PHC2: variants seen among roughly 807,000 people sequenced by gnomAD.
PHC2 encodes the protein polyhomeotic-like protein 2.
PHC2 carries 29 observed loss-of-function variants against 87.4 expected under a neutral mutation model. That is an observed-to-expected ratio of 0.33 (90% confidence interval 0.25 to 0.45). PHC2 has a LOEUF of 0.45. PHC2 is among the 20% of genes least tolerant of loss of function. The pLI is 1.00. For synonymous variants in PHC2, 438 were observed against 461.7 expected (o/e 0.95, Z 0.66); for missense variants, 857 against 1,136.7 (o/e 0.75, Z 3.54).
chr1:33,325,278 A>C, intron 14 of PHC2: 1 of 411,780 alleles, frequency 2.4e-6, no homozygotes, highest in Non-Finnish European at 4.4e-6. Flanking sequence ...GGGCGGACCC[A>C]TGTCCACTAA....
chr1:33,328,909 T>A lies in PHC2; in HGVS notation c.2386A>T (p.Asn796Tyr). Reference sequence around the variant, plus strand: ...ATGAATTCGTAGACGTCTTCTACATTCCACTTGGTGGGCTCACTTGGCAGG... The same window carrying A: ...ATGAATTCGTAGACGTCTTCTACATACCACTTGGTGGGCTCACTTGGCAGG... ...HFLPSEPTKW[N>Y]VEDVYEFIRS... is the part of the protein sequence containing the mutation. Residue 796 changes from asparagine (N) to tyrosine (Y), a missense_variant, in exon 14 of 15, where the codon AAT (asparagine) becomes TAT (tyrosine). Around this residue, in one of 3 missense-constraint regions of PHC2, gnomAD observed 832 missense variants for 1,081.8 expected, o/e 0.77. Coordinates refer to ENST00000683057, the MANE Select transcript of PHC2 (RefSeq NM_001385109.1). 6.2e-7 allele frequency: 1 copy of A among 1,613,568 alleles called. No homozygotes were observed. The highest frequency in any genetic ancestry group is 8.5e-7 in the Non-Finnish European group (1 of 1,179,532).
At chr1:33,346,569 A>G in intron 9 of PHC2, 1 of 985,356 alleles carries the variant, frequency 1.0e-6, no homozygotes, top group Non-Finnish European at 1.2e-6. Context: ...CTGACTCAAG[A>G]AGAGGGAAAA....
At chr1:33,345,657 A>G in intron 9 of PHC2, 1 of 984,610 alleles carries the variant, frequency 1.0e-6, no homozygotes, top group African/African-American at 1.7e-5. Context: ...ATTCTTGACT[A>G]TGATAAAAGA....
chr1:33,370,325 G>C, intron 5 of PHC2, 96 bp downstream of exon 5: 3 of 1,210,812 alleles, frequency 2.5e-6, no homozygotes, highest in Non-Finnish European at 3.5e-6. Flanking sequence ...TGCCCCTAGT[G>C]CTTCCTCCCC....
At chr1:33,330,714 G>A (rs1216189037) in intron 12 of PHC2, among the ~76,000 whole-genome samples, 1 of 152,166 alleles carries the variant, frequency 6.6e-6, no homozygotes, top group African/African-American at 2.4e-5. Flanking sequence ...AAGGTCAGCT[G>A]TTGCTTCCAT....
In PHC2 at chr1:33,368,450, G is replaced by A; in HGVS notation, c.663+86C>T. 1 of 702,860 alleles carries A rather than the reference G, an allele frequency of 1.4e-6. No individual in the cohort carries two copies. Among genetic ancestry groups the A allele is most frequent in the Non-Finnish European group, 2.4e-6 (1 of 424,632 alleles). 43.5% of individuals were successfully genotyped at this position (702,860 alleles called of 1,614,324 possible). On this transcript the variant is annotated intron_variant, in intron 6 of 14. Transcript: ENST00000683057. This position sits in a 1 kb window ranked among gnomAD's most constrained non-coding sequence, Gnocchi z 6.6. ...CCGCCTGCTTTCCTAGCTGATCCCGGCCTCTCCTTGTGCCCCTCCCCAGTA... is the reference window on the plus strand; with the variant it reads ...CCGCCTGCTTTCCTAGCTGATCCCGACCTCTCCTTGTGCCCCTCCCCAGTA...
Position 33,369,443 on chromosome 1 carries a change from C to T in PHC2, c.577-821G>A, listed in dbSNP as rs1332647489. ...CAGTGGAGTAGGACATAGGGACAAG[C>T]AACCTGCAGACACAGTCAGCTTTGG... On this transcript the variant is annotated intron_variant, in intron 5 of 14. Coordinates refer to ENST00000683057, the MANE Select transcript of PHC2 (RefSeq NM_001385109.1). This position sits in a 1 kb window ranked among gnomAD's most constrained non-coding sequence, Gnocchi z 4.7. Among the ~76,000 whole-genome samples the T allele has an allele frequency of 6.6e-6, 1 of 152,186 alleles. No homozygotes were observed. The highest frequency in any genetic ancestry group is 1.5e-5 in the Non-Finnish European group (1 of 68,022).
chr1:33,376,790 A>G (rs536217779), intron 1 of PHC2, among the ~76,000 whole-genome samples: 6 of 152,262 alleles, frequency 3.9e-5, no homozygotes, highest in Admixed American at 3.9e-4. Flanking sequence ...TTAGTTGGGC[A>G]TGGTGGTGTG....
intron 9 of PHC2, chr1:33,335,338 G>A (rs903186043): frequency 1.0e-6 from 1 of 985,352 alleles, no homozygotes; most frequent in Non-Finnish European, 1.2e-6. Context: ...GTGAGCTGAG[G>A]CTGCCTTTAA....
At chr1:33,347,561 A>G (rs1489567363) in intron 9 of PHC2, 41 of 985,344 alleles carry the variant, frequency 4.2e-5, no homozygotes, top group Non-Finnish European at 4.9e-5. Context: ...AGTAAAGAAC[A>G]GTTTGGGGGA....
rs1198869568 is a variant in PHC2 at position 33,349,458 on chromosome 1, A to C, written c.1558+4943T>G. ...ACCTCCCAGGCGCCGCGCGGACGAGAGCCGCGACTGGCACGGCCTGGCAGC... is the reference window on the plus strand; with the variant it reads ...ACCTCCCAGGCGCCGCGCGGACGAGCGCCGCGACTGGCACGGCCTGGCAGC... On this transcript the variant is annotated intron_variant, in intron 9 of 14. Transcript: ENST00000683057. This position sits in a 1 kb window ranked among gnomAD's most constrained non-coding sequence, Gnocchi z 4.2. 2.0e-6 allele frequency: 2 copies of C among 984,868 alleles called. No individual in the cohort carries two copies. Among genetic ancestry groups the C allele is most frequent in the African/African-American group, 3.5e-5 (2 of 57,104 alleles). 61.0% of individuals were successfully genotyped at this position (984,868 alleles called of 1,614,324 possible). A position where few individuals can be genotyped will look rare whatever the true frequency, so the allele number is the denominator to read the frequency against.
intron 1 of PHC2, among the ~76,000 whole-genome samples, chr1:33,376,604 T>C (rs1172337993): frequency 6.6e-6 from 1 of 152,180 alleles, no homozygotes; most frequent in Non-Finnish European, 1.5e-5. Flanking sequence ...TCCATATTTA[T>C]ACAGCCACCT....
rs1557818108 is a variant in PHC2 at position 33,332,480 on chromosome 1, A to T, written c.1762-76T>A. 1 of 1,549,190 alleles carries T rather than the reference A, an allele frequency of 6.5e-7. No individual in the cohort carries two copies. Among genetic ancestry groups the T allele is most frequent in the Non-Finnish European group, 8.9e-7 (1 of 1,124,318 alleles). On this transcript the variant is annotated intron_variant, in intron 10 of 14. Coordinates refer to ENST00000683057, the MANE Select transcript of PHC2 (RefSeq NM_001385109.1). This position sits in a 1 kb window ranked among gnomAD's most constrained non-coding sequence, Gnocchi z 4.2. ...CTTGCTATCCATCCTCATCACAATTACACGTATAAAGTATCCAGGCACAGA... is the reference window on the plus strand; with the variant it reads ...CTTGCTATCCATCCTCATCACAATTTCACGTATAAAGTATCCAGGCACAGA...
At chr1:33,374,645 C>T (rs957153244) in intron 2 of PHC2, among the ~76,000 whole-genome samples, 2 of 152,190 alleles carry the variant, frequency 1.3e-5, no homozygotes, top group East Asian at 1.9e-4. Flanking sequence ...GTAAACACTT[C>T]TCAGCTGTGG....
chr1:33,361,544 T>G (rs536939932), intron 7 of PHC2, among the ~76,000 whole-genome samples: 1 of 152,252 alleles, frequency 6.6e-6, no homozygotes, highest in Non-Finnish European at 1.5e-5. Context: ...TTTCACCATG[T>G]TGGCCAGGCT....
intron 9 of PHC2, among the ~76,000 whole-genome samples, chr1:33,342,654 C>A (rs1646766323): frequency 6.6e-6 from 1 of 152,086 alleles, no homozygotes; most frequent in African/African-American, 2.4e-5. Context: ...ACCTGCAGGA[C>A]CAGAGTGACT....
At chr1:33,379,027 TAG>T (rs1381843739) in intron 1 of PHC2, among the ~76,000 whole-genome samples, 1 of 151,952 alleles carries the variant, frequency 6.6e-6, no homozygotes, top group African/African-American at 2.4e-5. Flanking sequence ...TTGTAGCAGC[TAG>T]GGCAGACACT....
At chr1:33,400,472 G>A (rs903626220) in intron 1 of PHC2, among the ~76,000 whole-genome samples, 2 of 152,208 alleles carry the variant, frequency 1.3e-5, no homozygotes, top group Non-Finnish European at 2.9e-5. Flanking sequence ...AGCACTTACT[G>A]TGTAGCAGCC....
chr1:33,429,361 G>GA (rs973449529), intron 1 of PHC2, among the ~76,000 whole-genome samples: 1 of 152,014 alleles, frequency 6.6e-6, no homozygotes, highest in East Asian at 1.9e-4. Context: ...ACAGAGGAAG[G>GA]AAAAAAAGCC....
Sources: gnomAD v4.1 joint callset for allele counts (sites outside exome capture counted in the v4.1 genomes callset) on GRCh38, gnomAD v4.1.1 for gene constraint, gnomAD v4.1.1 regional missense constraint, Gnocchi (gnomAD v3.1) non-coding constraint, MANE v1.5 for transcripts, NCBI Gene and HGNC (gene_info 2026-07-23, HGNC 2026-07-21) for gene names.